The following CAMTA1 variants were observed in gnomAD, a reference collection of about 807,000 sequenced individuals.
The protein encoded by CAMTA1 is calmodulin-binding transcription activator 1.
A neutral mutation model predicts 170.9 loss-of-function variants in CAMTA1; 27 were observed. The ratio of observed to expected loss-of-function variants is 0.16; its 90% CI spans 0.12 to 0.22. The LOEUF is 0.22. Among genes scored for constraint, CAMTA1 ranks in the 10% least tolerant of loss-of-function variants. CAMTA1 has a pLI of 1.00. For missense variants in CAMTA1, 1,619 were observed against 2,217.2 expected (o/e 0.73, Z 5.42); for synonymous variants, 833 against 891.5 (o/e 0.93, Z 1.17).
chr1:7,021,351 C>T (rs556233645), intron 3 of CAMTA1, among the ~76,000 whole-genome samples: 9 of 152,288 alleles, frequency 5.9e-5, no homozygotes, highest in African/African-American at 1.9e-4. Flanking sequence ...TGGGTGCCTC[C>T]ACCAGCCCCG....
chr1:7,477,617 T>A (rs74053027), intron 6 of CAMTA1, among the ~76,000 whole-genome samples: 1 of 152,178 alleles, frequency 6.6e-6, no homozygotes, highest in Non-Finnish European at 1.5e-5. Context: ...AAACGGCCAT[T>A]ATCCTCTCTG....
intron 3 of CAMTA1, among the ~76,000 whole-genome samples, chr1:6,924,188 G>A (rs1338465328): frequency 6.6e-6 from 1 of 152,240 alleles, no homozygotes; most frequent in Non-Finnish European, 1.5e-5. Context: ...TGTGAATAGT[G>A]CACAAGAGGG....
intron 11 of CAMTA1, among the ~76,000 whole-genome samples, chr1:7,702,860 C>G (rs1254788867): frequency 6.6e-6 from 1 of 152,176 alleles, no homozygotes; most frequent in African/African-American, 2.4e-5. Context: ...CCCCCAAGTA[C>G]CCCGTTTTGG....
At chr1:7,605,459 C>G (rs993075399) in intron 6 of CAMTA1, among the ~76,000 whole-genome samples, 2 of 152,250 alleles carry the variant, frequency 1.3e-5, no homozygotes, top group African/African-American at 4.8e-5. Flanking sequence ...GAGCGAGGCT[C>G]TGTGGGCGTA....
chr1:6,887,798 A>T lies in CAMTA1; in HGVS notation c.234+62588A>T. The T allele has an allele frequency of 2.0e-6, 3 of 1,521,392 alleles. No individual in the cohort carries two copies. The highest frequency in any genetic ancestry group is 1.7e-4 in the Middle Eastern group (1 of 5,884). 94.2% of individuals were successfully genotyped at this position (1,521,392 alleles called of 1,614,324 possible). ...CCTGCCAGCCCCATGTCTGGCTTTA[A>T]GACAGTTCTATTAGTGAATTAACTG... On this transcript the variant is annotated intron_variant, in intron 3 of 22. Coordinates refer to ENST00000303635, the MANE Select transcript of CAMTA1 (RefSeq NM_015215.4). The surrounding 1 kb of genome is among the most constrained non-coding windows in gnomAD (Gnocchi z 4.1).
intron 5 of CAMTA1, among the ~76,000 whole-genome samples, chr1:7,339,921 T>C (rs1282861427): frequency 6.6e-6 from 1 of 152,158 alleles, no homozygotes; most frequent in Admixed American, 6.5e-5. Flanking sequence ...CTTCTAGGCA[T>C]CTTGATTTTC....
chr1:6,806,939 C>T, intron 1 of CAMTA1: 1 of 466,270 alleles, frequency 2.1e-6, no homozygotes, highest in East Asian at 3.2e-5. Flanking sequence ...ACTTTTAAGT[C>T]ACTTCATTTA....
intron 6 of CAMTA1, among the ~76,000 whole-genome samples, chr1:7,502,737 C>T (rs911792104): frequency 1.3e-5 from 2 of 152,164 alleles, no homozygotes; most frequent in African/African-American, 4.8e-5. Context: ...GATTCAATGC[C>T]GACGGAGATG....
intron 11 of CAMTA1, among the ~76,000 whole-genome samples, chr1:7,683,837 C>T (rs2096234911): frequency 6.6e-6 from 1 of 152,232 alleles, no homozygotes; most frequent in African/African-American, 2.4e-5. Flanking sequence ...GGTGCATGTG[C>T]TCCCCAGGCC....
rs1270204402 is a variant in CAMTA1 at position 7,439,726 on chromosome 1, A to G, written c.439-28104A>G. Among the ~76,000 whole-genome samples, 3 of 152,156 alleles carry G rather than the reference A, an allele frequency of 2.0e-5. No individual in the cohort carries two copies. The East Asian group carries it at 5.8e-4, about 29-fold the overall frequency. ...CCACTGTGATGATGGGGAGGAACGG[A>G]AGTGTGCAGGCCTCTAGGGTGCAGG... On this transcript the variant is annotated intron_variant, in intron 5 of 22. Coordinates refer to ENST00000303635, the MANE Select transcript of CAMTA1 (RefSeq NM_015215.4).
chr1:7,101,930 A>G (rs1221553680), intron 4 of CAMTA1, among the ~76,000 whole-genome samples: 1 of 152,164 alleles, frequency 6.6e-6, no homozygotes, highest in African/African-American at 2.4e-5. Flanking sequence ...CACACAACAC[A>G]CATGCACAAG....
Position 7,607,695 on chromosome 1 carries a change from A to G in CAMTA1, c.511-32705A>G, listed in dbSNP as rs114609378. Among the ~76,000 whole-genome samples, 663 of 152,282 alleles carry G rather than the reference A, an allele frequency of 4.4e-3. 7 individuals are homozygous for G. Among genetic ancestry groups the G allele is most frequent in the African/African-American group, 0.015 (641 of 41,560 alleles). On this transcript the variant is annotated intron_variant, in intron 6 of 22. Coordinates refer to ENST00000303635, the MANE Select transcript of CAMTA1 (RefSeq NM_015215.4). ...GATAGGTGAGTAGGTGGGTTGACAGATGGACTGTTGAGTGAATGAATGTGT... is the reference window on the plus strand; with the variant it reads ...GATAGGTGAGTAGGTGGGTTGACAGGTGGACTGTTGAGTGAATGAATGTGT...
rs201500847 is a variant in CAMTA1, at chr1:6,997,656, C to CTTTTTTT, written c.235-93645_235-93644insTTTTTTT. Among the ~76,000 whole-genome samples the CTTTTTTT allele has an allele frequency of 1.4e-3, 182 of 128,288 alleles. 6 individuals carry two copies. Among genetic ancestry groups the CTTTTTTT allele is most frequent in the African/African-American group, 2.5e-3 (75 of 30,362 alleles). 84.2% of individuals were successfully genotyped at this position (128,288 alleles called of 152,430 possible). Reference sequence around the variant, plus strand: ...CTGTTTTCCATATTTCCTTTCTTTTCTTTCTTTTTTTTTTTTTTTTTGAGA... The same window carrying CTTTTTTT: ...CTGTTTTCCATATTTCCTTTCTTTTCTTTTTTTTTTCTTTTTTTTTTTTTTTTTGAGA... On this transcript the variant is annotated intron_variant, in intron 3 of 22. Transcript: ENST00000303635.
chr1:7,721,426 A>G (rs186830828), intron 11 of CAMTA1, among the ~76,000 whole-genome samples: 1 of 152,324 alleles, frequency 6.6e-6, no homozygotes, highest in African/African-American at 2.4e-5. Context: ...TGTCTGGCTT[A>G]CTGTAGATGT....
chr1:7,253,126 G>A (rs1044438311), intron 5 of CAMTA1, among the ~76,000 whole-genome samples: 9 of 152,212 alleles, frequency 5.9e-5, no homozygotes, highest in African/African-American at 2.2e-4. Flanking sequence ...ACTGTTTCAG[G>A]AGATGAAATC....
chr1:6,983,563 A>C (rs1313155051), intron 3 of CAMTA1, among the ~76,000 whole-genome samples: 1 of 152,208 alleles, frequency 6.6e-6, no homozygotes. Flanking sequence ...CTTTTGTATT[A>C]TTTCATATTT....
At chr1:7,755,614 C>T (rs2096926452) in intron 21 of CAMTA1, 24 bp from the exon 22 acceptor site, 2 of 1,605,034 alleles carry the variant, frequency 1.2e-6, no homozygotes, top group East Asian at 2.2e-5. Context: ...TAATAGCTCT[C>T]TGGTGTTGTT....
intron 3 of CAMTA1, among the ~76,000 whole-genome samples, chr1:6,983,386 G>A (rs1017539050): frequency 3.3e-5 from 5 of 152,042 alleles, no homozygotes; most frequent in African/African-American, 1.2e-4. Flanking sequence ...CAGGGCTGTG[G>A]CACCTACTCT....
At chr1:7,420,022 T>A (rs1391149718) in intron 5 of CAMTA1, among the ~76,000 whole-genome samples, 1 of 152,152 alleles carries the variant, frequency 6.6e-6, no homozygotes, top group Non-Finnish European at 1.5e-5. Flanking sequence ...CCTGGAGCCA[T>A]CAGCTAATGT....
Sources: gnomAD v4.1 joint callset for allele counts (sites outside exome capture counted in the v4.1 genomes callset) on GRCh38, gnomAD v4.1.1 for gene constraint, Gnocchi (gnomAD v3.1) non-coding constraint, MANE v1.5 for transcripts, NCBI Gene and HGNC (gene_info 2026-07-23, HGNC 2026-07-21) for gene names.